MAGI3: variants seen among roughly 807,000 people sequenced by gnomAD.
MAGI3 encodes membrane-associated guanylate kinase, WW and PDZ domain-containing protein 3.
MAGI3 carries 43 observed loss-of-function variants against 121.8 expected under a neutral mutation model. The ratio of observed to expected loss-of-function variants is 0.35; its 90% confidence interval spans 0.28 to 0.46. The LOEUF is 0.46. Ranked by LOEUF, MAGI3 falls within the 20% of genes least tolerant of loss-of-function variation. MAGI3 has a pLI of 1.00. For synonymous variants in MAGI3, 553 were observed against 639.3 expected (o/e 0.86, Z 2.04); for missense variants, 1,547 against 1,797.3 (o/e 0.86, Z 2.52).
rs939611031 is a variant in MAGI3, at chr1:113,560,412, A to C, written c.433+10781A>C. Reference sequence around the variant, plus strand: ...AAAAAAACAAAAACAAACAAAAAAAACCAAAAAAACAATAAAACAAAAAAA... The same window carrying C: ...AAAAAAACAAAAACAAACAAAAAAACCCAAAAAAACAATAAAACAAAAAAA... On this transcript the variant is annotated intron_variant, in intron 2 of 20. Transcript: ENST00000307546. 2.0e-4 allele frequency among the ~76,000 whole-genome samples: 27 copies of C among 132,854 alleles called. 1 individual carries two copies. Among genetic ancestry groups the C allele is most frequent in the East Asian group, 5.8e-4 (3 of 5,174 alleles). The allele number at this position is 132,854 out of a possible 152,430, so 87.2% of individuals were successfully genotyped here.
intron 2 of MAGI3, among the ~76,000 whole-genome samples, chr1:113,568,634 T>C (rs1172634857): frequency 6.6e-6 from 1 of 152,074 alleles, no homozygotes; most frequent in Admixed American, 6.6e-5. Context: ...AGCCTAGTAG[T>C]AAACACCCAA....
chr1:113,430,201 G>A (rs1285698698), intron 1 of MAGI3, among the ~76,000 whole-genome samples: 1 of 152,146 alleles, frequency 6.6e-6, no homozygotes, highest in Admixed American at 6.5e-5. Flanking sequence ...CTATGAAGGT[G>A]TTAGGACCAG....
intron 8 of MAGI3, among the ~76,000 whole-genome samples, chr1:113,620,623 T>A (rs1650761793): frequency 6.6e-6 from 1 of 152,222 alleles, no homozygotes; most frequent in Non-Finnish European, 1.5e-5. Flanking sequence ...GAGCACTGAC[T>A]ATATCCCCAG....
chr1:113,441,176 AC>A (rs1241033694), intron 1 of MAGI3, among the ~76,000 whole-genome samples: 3 of 151,992 alleles, frequency 2.0e-5, no homozygotes, highest in African/African-American at 4.8e-5. Context: ...CACTTTTTCT[AC>A]CCCTAATATC....
At chr1:113,559,471 C>T (rs1660132757) in intron 2 of MAGI3, among the ~76,000 whole-genome samples, 1 of 152,124 alleles carries the variant, frequency 6.6e-6, no homozygotes, top group African/African-American at 2.4e-5. Flanking sequence ...CAAAGAAGGG[C>T]ATTACATAAT....
At chr1:113,638,668 T>C (rs1020994429) in intron 9 of MAGI3, among the ~76,000 whole-genome samples, 2 of 152,220 alleles carry the variant, frequency 1.3e-5, no homozygotes, top group Admixed American at 6.5e-5. Flanking sequence ...GTTAGGCTGC[T>C]CAGGGGTCAG....
rs1364649713 is a variant in MAGI3, at chr1:113,684,638, T to C, written c.*624T>C. ...GTAGTCCAATATTGATGCTTTCTTA[T>C]GGCTTTTTATTTTAATTTGGCTGGA... On this transcript the variant is annotated 3_prime_UTR_variant, in exon 21 of 21. Transcript: ENST00000307546. 1 of 152,380 alleles carries C rather than the reference T, an allele frequency of 6.6e-6. No homozygotes were observed. The highest frequency in any genetic ancestry group is 1.5e-5 in the Non-Finnish European group (1 of 68,028). 9.4% of individuals were successfully genotyped at this position (152,380 alleles called of 1,614,324 possible).
At chr1:113,649,509 CTG>C (rs1653039148) in intron 13 of MAGI3, among the ~76,000 whole-genome samples, 181 bp downstream of exon 13, 1 of 152,128 alleles carries the variant, frequency 6.6e-6, no homozygotes, top group Non-Finnish European at 1.5e-5. Context: ...AGGCTAAAAA[CTG>C]TGGGTAAAAA....
intron 1 of MAGI3, among the ~76,000 whole-genome samples, chr1:113,515,182 C>A (rs549715391): frequency 6.6e-6 from 1 of 151,880 alleles, no homozygotes; most frequent in African/African-American, 2.4e-5. Context: ...TTTTTTTGAT[C>A]TCACGGCAGC....
At chr1:113,425,115 C>T (rs553097558) in intron 1 of MAGI3, among the ~76,000 whole-genome samples, 3 of 151,894 alleles carry the variant, frequency 2.0e-5, no homozygotes, top group East Asian at 3.9e-4. Context: ...GCCGAGATCA[C>T]GCCATTGCAC....
At chr1:113,571,506 G>A (rs1031264914) in intron 2 of MAGI3, among the ~76,000 whole-genome samples, 10 of 152,090 alleles carry the variant, frequency 6.6e-5, no homozygotes, top group Admixed American at 6.6e-5. Flanking sequence ...TCACAATATC[G>A]GTTTTTCCTA....
At chr1:113,680,016 T>C (rs1648120578) in intron 19 of MAGI3, among the ~76,000 whole-genome samples, 1 of 152,202 alleles carries the variant, frequency 6.6e-6, no homozygotes, top group African/African-American at 2.4e-5. Context: ...TGAGAAATGA[T>C]TTTACACTAA....
At chr1:113,668,598 C>T (rs1268547833) in intron 16 of MAGI3, among the ~76,000 whole-genome samples, 2 of 95,586 alleles carry the variant, frequency 2.1e-5, no homozygotes, top group African/African-American at 4.2e-5. Flanking sequence ...TTTTTTGAGA[C>T]GGAGTCTCGC....
At chr1:113,625,937 A>T (rs901878538) in intron 9 of MAGI3, among the ~76,000 whole-genome samples, 1 of 152,072 alleles carries the variant, frequency 6.6e-6, no homozygotes, top group African/African-American at 2.4e-5. Flanking sequence ...TTTCAGCATC[A>T]GTTGAAATTA....
chr1:113,443,923 A>G (rs1403538537), intron 1 of MAGI3, among the ~76,000 whole-genome samples: 2 of 152,220 alleles, frequency 1.3e-5, no homozygotes, highest in African/African-American at 4.8e-5. Context: ...AAGTTATGCA[A>G]CTATCAGAAG....
At position 113,685,825 on chromosome 1, in the gene MAGI3, A is replaced by G. The variant is rs1648517775; in HGVS notation, c.*1811A>G. 6.6e-6 allele frequency: 1 copy of G among 152,298 alleles called. No individual in the cohort carries two copies. Among genetic ancestry groups the G allele is most frequent in the Admixed American group, 6.5e-5 (1 of 15,274 alleles). The allele number at this position is 152,298 out of a possible 1,614,324, so 9.4% of individuals were successfully genotyped here. A position where few individuals can be genotyped will look rare whatever the true frequency, so the allele number is the denominator to read the frequency against. ...GTGGATGTACTGGTTGTAAATGTTT[A>G]TATATTGTACAGTACCTTTATATAT... is the stretch of plus-strand genomic sequence containing the variant. On this transcript the variant is annotated 3_prime_UTR_variant, in exon 21 of 21. Coordinates refer to ENST00000307546, the MANE Select transcript of MAGI3 (RefSeq NM_001142782.2).
intron 1 of MAGI3, among the ~76,000 whole-genome samples, chr1:113,541,062 TA>T (rs1180280335): frequency 6.6e-6 from 1 of 150,844 alleles, no homozygotes; most frequent in African/African-American, 2.4e-5. Flanking sequence ...ATAAATGCAT[TA>T]AAAAATAATA....
intron 1 of MAGI3, chr1:113,450,281 G>C (rs1215545961): frequency 7.6e-5 from 121 of 1,594,418 alleles, no homozygotes; most frequent in Non-Finnish European, 1.0e-4. Flanking sequence ...AGAGGTCGTG[G>C]AGGTGGATCT....
intron 1 of MAGI3, among the ~76,000 whole-genome samples, chr1:113,506,303 G>A (rs1057132529): frequency 6.6e-6 from 1 of 152,076 alleles, no homozygotes; most frequent in African/African-American, 2.4e-5. Flanking sequence ...TATGCAGAAC[G>A]TTTTAGGCTG....
Sources: allele counts gnomAD v4.1 joint callset (sites outside exome capture counted in the v4.1 genomes callset), GRCh38; gene constraint gnomAD v4.1.1; transcripts MANE v1.5; gene names NCBI Gene and HGNC (gene_info 2026-07-23, HGNC 2026-07-21).